NOMO3: variants seen among roughly 807,000 people sequenced by gnomAD.
The protein encoded by NOMO3 is BOS complex subunit NOMO3.
NOMO3 carries 15 observed loss-of-function variants against 69.9 expected under a neutral mutation model. That is an observed-to-expected ratio of 0.21 (90% confidence interval 0.14 to 0.33). The LOEUF (loss-of-function observed/expected upper bound fraction) is 0.33, where lower values mean the gene tolerates loss of function less well. Among genes scored for constraint, NOMO3 ranks in the 10% least tolerant of loss-of-function variants. The pLI is 1.00. For missense variants in NOMO3, 218 were observed against 761.0 expected (o/e 0.29, Z 8.39); for synonymous variants, 89 against 301.9 (o/e 0.29, Z 7.31).
At position 16,258,736 on chromosome 16, in the gene NOMO3, G is replaced by A. The variant is rs1417007508; in HGVS notation, c.1220+2578G>A. Among the ~76,000 whole-genome samples the A allele has an allele frequency of 4.2e-5, 6 of 143,118 alleles. 1 individual carries two copies. Among genetic ancestry groups the A allele is most frequent in the Non-Finnish European group, 8.9e-5 (6 of 67,646 alleles). 93.9% of individuals were successfully genotyped at this position (143,118 alleles called of 152,430 possible). On this transcript the variant is annotated intron_variant, in intron 11 of 30. Coordinates refer to ENST00000399336, the MANE Select transcript of NOMO3 (RefSeq NM_001004067.4). ...AAAGGTTGGCGGGGCATGGTGATGCGCGCCTATAATCCCAGCAACTCAGGA... is the reference window on the plus strand; with the variant it reads ...AAAGGTTGGCGGGGCATGGTGATGCACGCCTATAATCCCAGCAACTCAGGA...
In NOMO3 at chr16:16,258,593, C is replaced by T. The variant is rs566665160; in HGVS notation, c.1220+2435C>T. Among the ~76,000 whole-genome samples, 737 of 141,062 alleles carry T rather than the reference C, an allele frequency of 5.2e-3. 18 individuals carry two copies. The highest frequency in any genetic ancestry group is 7.7e-3 in the Non-Finnish European group (518 of 67,288). The allele number at this position is 141,062 out of a possible 152,430, so 92.5% of individuals were successfully genotyped here. A position where few individuals can be genotyped will look rare whatever the true frequency, so the allele number is the denominator to read the frequency against. On this transcript the variant is annotated intron_variant, in intron 11 of 30. Coordinates refer to ENST00000399336, the MANE Select transcript of NOMO3 (RefSeq NM_001004067.4). The stretch of plus-strand genomic sequence containing the variant: ...GAGTTGTCTGTTGGTTGGCCGGGCA[C>T]GGTGGCTCACGCCTATGATCTCAGC...
chr16:16,248,436 T>C (rs1191759083), intron 6 of NOMO3, among the ~76,000 whole-genome samples: 58 of 99,626 alleles, frequency 5.8e-4, no homozygotes, highest in African/African-American at 2.4e-3. Context: ...TCTTGCTCTG[T>C]TGCCCAGGCT....
chr16:16,267,418 G>A (rs406751), intron 16 of NOMO3: 77,043 of 438,776 alleles, frequency 0.18, 9,154 homozygotes, highest in Middle Eastern at 0.21. Flanking sequence ...GTGGCTTCTC[G>A]CTCTTTCTCA....
At chr16:16,252,841 T>C in intron 9 of NOMO3, among the ~76,000 whole-genome samples, 1 of 119,878 alleles carries the variant, frequency 8.3e-6, no homozygotes, top group African/African-American at 4.1e-5. Context: ...TTTTTTTTTT[T>C]TTTTTTTTTT....
rs2141256936 is a variant in NOMO3, at chr16:16,259,412, C to A, written c.1221-2090C>A. 2.8e-5 allele frequency among the ~76,000 whole-genome samples: 4 copies of A among 141,356 alleles called. No individual in the cohort carries two copies. In the Middle Eastern group the frequency reaches 0.014, roughly 491 times the overall value. 92.7% of individuals were successfully genotyped at this position (141,356 alleles called of 152,430 possible). A position where few individuals can be genotyped will look rare whatever the true frequency, so the allele number is the denominator to read the frequency against. On this transcript the variant is annotated intron_variant, in intron 11 of 30. Coordinates refer to ENST00000399336, the MANE Select transcript of NOMO3 (RefSeq NM_001004067.4). The stretch of plus-strand genomic sequence containing the variant: ...TGCCCAGGCTGGAGTACGGTGGCGC[C>A]ATCTCGGCTCACTGCAGCCTCCGCC...
chr16:16,268,787 T>C (rs1305742759), intron 16 of NOMO3, among the ~76,000 whole-genome samples: 1 of 143,022 alleles, frequency 7.0e-6, no homozygotes, highest in African/African-American at 2.9e-5. Flanking sequence ...TTCCCTTCTA[T>C]TTTTTGCCTT....
chr16:16,234,879 A>G (rs1045606235), intron 1 of NOMO3, among the ~76,000 whole-genome samples: 2 of 151,636 alleles, frequency 1.3e-5, no homozygotes, highest in Non-Finnish European at 2.9e-5. Flanking sequence ...TTTCACATTA[A>G]AAACTGGGTG....
At chr16:16,235,674 G>A (rs1378365274) in intron 1 of NOMO3, among the ~76,000 whole-genome samples, 1 of 144,832 alleles carries the variant, frequency 6.9e-6, no homozygotes, top group Non-Finnish European at 1.5e-5. Context: ...GTGCCATCAT[G>A]CCTAGCTAAT....
chr16:16,267,740 C>T (rs1247093797), intron 16 of NOMO3, among the ~76,000 whole-genome samples: 2 of 143,800 alleles, frequency 1.4e-5, no homozygotes, highest in Admixed American at 6.7e-5. Context: ...AACCCTCTCT[C>T]TCTTTTATAA....
intron 1 of NOMO3, among the ~76,000 whole-genome samples, chr16:16,235,416 C>T (rs2049318614): frequency 6.7e-6 from 1 of 148,986 alleles, no homozygotes; most frequent in African/African-American, 2.6e-5. Context: ...AGGAAATTTT[C>T]CTTGAGCCCA....
Position 16,232,791 on chromosome 16 carries a change from T to C in NOMO3, c.125T>C (p.Phe42Ser). The C allele has an allele frequency of 1.8e-6, 1 of 558,272 alleles. No homozygotes were observed. Among genetic ancestry groups the C allele is most frequent in the Non-Finnish European group, 2.5e-6 (1 of 401,052 alleles). The allele number at this position is 558,272 out of a possible 1,614,324, so 34.6% of individuals were successfully genotyped here. Reference sequence around the variant, plus strand: ...GACATCGTGGTGGGCTGCGGTGGCTTCGTCAAGTCGGACGTGGAGATCAAC... The same window carrying C: ...GACATCGTGGTGGGCTGCGGTGGCTCCGTCAAGTCGGACGTGGAGATCAAC... Reference protein sequence around the residue: ...SEDIVVGCGGFVKSDVEINYS... With the variant: ...SEDIVVGCGGSVKSDVEINYS... Residue 42 changes from phenylalanine to serine, a missense_variant, in exon 1 of 31, where the codon TTC (phenylalanine) becomes TCC (serine). By Grantham distance (155) the Phe-to-Ser change is radical. Transcript: ENST00000399336.
intron 15 of NOMO3, among the ~76,000 whole-genome samples, chr16:16,266,064 G>C (rs1237998343): frequency 7.0e-6 from 1 of 143,198 alleles, no homozygotes; most frequent in Non-Finnish European, 1.5e-5. Context: ...TGTTGACTGT[G>C]GTCTCTGTGG....
At chr16:16,240,135 T>C (rs1195786775) in intron 3 of NOMO3, among the ~76,000 whole-genome samples, 1 of 144,582 alleles carries the variant, frequency 6.9e-6, no homozygotes, top group Admixed American at 6.7e-5. Flanking sequence ...TCTACCTTTC[T>C]GGAAACTCTT....
chr16:16,233,431 G>T (rs2049298193), intron 1 of NOMO3, among the ~76,000 whole-genome samples: 1 of 120,066 alleles, frequency 8.3e-6, no homozygotes, highest in Non-Finnish European at 1.7e-5. Context: ...TTCTGAAAAT[G>T]GAGAGTTGCC....
intron 13 of NOMO3, 56 bp from the exon 14 acceptor site, chr16:16,263,457 C>T: frequency 6.2e-6 from 4 of 645,264 alleles, no homozygotes. Flanking sequence ...AGGATTCGAA[C>T]CTGTGCTGAA....
intron 1 of NOMO3, among the ~76,000 whole-genome samples, chr16:16,234,947 G>A (rs1008066715): frequency 2.6e-5 from 4 of 152,116 alleles, no homozygotes; most frequent in African/African-American, 9.7e-5. Flanking sequence ...CTTGGGTTTT[G>A]TAGTGATCTG....
intron 11 of NOMO3, among the ~76,000 whole-genome samples, chr16:16,258,470 C>T (rs1275633538): frequency 1.5e-5 from 2 of 137,760 alleles, no homozygotes; most frequent in East Asian, 2.5e-4. Context: ...AGGCAGTCTG[C>T]GCAGCTGGAG....
rs1404036440 is a variant in NOMO3 at position 16,270,250 on chromosome 16, T to C, written c.1958+66T>C. The C allele has an allele frequency of 7.0e-6, 11 of 1,580,966 alleles. 4 individuals are homozygous for C. In the East Asian group the frequency reaches 2.8e-4, roughly 41 times the overall value. ...TTCCGTGGAGGATTCTTCATTTACT[T>C]CAGAGAACAAAAGGAGTTTTTCTGT... On this transcript the variant is annotated intron_variant, in intron 17 of 30. Coordinates refer to ENST00000399336, the MANE Select transcript of NOMO3 (RefSeq NM_001004067.4).
At chr16:16,249,951 T>G (rs931404026) in intron 6 of NOMO3, among the ~76,000 whole-genome samples, 5 of 140,494 alleles carry the variant, frequency 3.6e-5, no homozygotes, top group Admixed American at 6.9e-5. Context: ...AAGAACAACT[T>G]AAGGCAAATT....
Sources: allele counts gnomAD v4.1 joint callset (sites outside exome capture counted in the v4.1 genomes callset), GRCh38; gene constraint gnomAD v4.1.1; transcripts MANE v1.5; gene names NCBI Gene and HGNC (gene_info 2026-07-23, HGNC 2026-07-21).